The following QRFPR variants were observed in gnomAD, a reference collection of about 807,000 sequenced individuals.
The protein encoded by QRFPR is pyroglutamylated RF-amide peptide receptor.
In QRFPR, 37 loss-of-function variants were observed where a neutral mutation model predicts 31.3. That is an observed-to-expected ratio of 1.18 (90% confidence interval 0.91 to 1.56). The LOEUF (loss-of-function observed/expected upper bound fraction) is 1.56. Among genes scored for constraint, QRFPR ranks in the 40% most tolerant of loss-of-function variants. QRFPR has a pLI of 0.00. For synonymous variants in QRFPR, 197 were observed against 192.0 expected (o/e 1.03, Z -0.22); for missense variants, 542 against 532.5 (o/e 1.02, Z -0.18).
At chr4:121,366,856 G>A (rs1726142310) in intron 1 of QRFPR, among the ~76,000 whole-genome samples, 1 of 149,664 alleles carries the variant, frequency 6.7e-6, no homozygotes, top group Non-Finnish European at 1.5e-5. Context: ...TTAAGACTTT[G>A]GTATCCATTT....
intron 1 of QRFPR, among the ~76,000 whole-genome samples, chr4:121,360,013 T>C (rs1469696594): frequency 6.6e-6 from 1 of 152,180 alleles, no homozygotes; most frequent in East Asian, 1.9e-4. Context: ...CAAACATTTT[T>C]TGAGCAACAG....
chr4:121,368,663 CTG>C (rs767371991), intron 1 of QRFPR, among the ~76,000 whole-genome samples: 5 of 150,076 alleles, frequency 3.3e-5, no homozygotes, highest in Non-Finnish European at 5.9e-5. Flanking sequence ...GGTCCCCTTA[CTG>C]ATAAGGCTGG....
At chr4:121,341,573 A>G (rs1160284149) in intron 1 of QRFPR, among the ~76,000 whole-genome samples, 1 of 152,240 alleles carries the variant, frequency 6.6e-6, no homozygotes, top group Non-Finnish European at 1.5e-5. Context: ...TGCCACAAGT[A>G]GAAAATTCCG....
chr4:121,365,992 T>A (rs1726129061), intron 1 of QRFPR, among the ~76,000 whole-genome samples: 1 of 148,460 alleles, frequency 6.7e-6, no homozygotes, highest in Non-Finnish European at 1.5e-5. Context: ...TTCACAAAGA[T>A]CTATGAGGAA....
At chr4:121,363,396 C>T (rs1726027414) in intron 1 of QRFPR, among the ~76,000 whole-genome samples, 1 of 149,870 alleles carries the variant, frequency 6.7e-6, no homozygotes, top group African/African-American at 2.5e-5. Context: ...TCATGCTGGC[C>T]TAAAGCACTG....
At chr4:121,350,868 A>G (rs947790609) in intron 1 of QRFPR, among the ~76,000 whole-genome samples, 8 of 152,206 alleles carry the variant, frequency 5.3e-5, no homozygotes, top group African/African-American at 1.7e-4. Context: ...ATGAGGAGAC[A>G]TTCTTATGGA....
Position 121,380,307 on chromosome 4 carries a change from C to T in QRFPR, c.340+1G>A. Reference sequence around the variant, plus strand: ...GCGAAGGAGCGGGGCGCGACTCTTACCCCCCAGCCAGTTGTCGGAAATGTT... The same window carrying T: ...GCGAAGGAGCGGGGCGCGACTCTTATCCCCCAGCCAGTTGTCGGAAATGTT... On this transcript the variant is annotated splice_donor_variant, in intron 1 of 5. Coordinates refer to ENST00000394427, the MANE Select transcript of QRFPR (RefSeq NM_198179.3). LOFTEE classifies it high-confidence loss of function. 6.2e-7 allele frequency: 1 copy of T among 1,607,964 alleles called. No homozygotes were observed. Among genetic ancestry groups the T allele is most frequent in the African/African-American group, 1.3e-5 (1 of 74,736 alleles).
intron 1 of QRFPR, among the ~76,000 whole-genome samples, chr4:121,342,546 A>G (rs1319806304): frequency 6.6e-6 from 1 of 151,908 alleles, no homozygotes. Flanking sequence ...CTCATTCCTC[A>G]TTTCTTTTAT....
chr4:121,370,456 G>A (rs977970605), intron 1 of QRFPR: 25 of 529,676 alleles, frequency 4.7e-5, no homozygotes, highest in Non-Finnish European at 8.5e-5. Context: ...TGGTCCAGCT[G>A]CTGCAAATTA....
chr4:121,347,361 C>G (rs1381119807), intron 1 of QRFPR, among the ~76,000 whole-genome samples: 1 of 151,984 alleles, frequency 6.6e-6, no homozygotes, highest in African/African-American at 2.4e-5. Context: ...TTGCCTTATA[C>G]CGCTTTTCTT....
rs572587620 is a variant in QRFPR, at chr4:121,362,484, T to G, written c.340+17824A>C. ...GACATCAACAAACTGATTCTAAAGT[T>G]TATATGGAGAGGCAAAAGACCAGGA... On this transcript the variant is annotated intron_variant, in intron 1 of 5. Transcript: ENST00000394427. Among the ~76,000 whole-genome samples the G allele has an allele frequency of 8.5e-4, 127 of 149,834 alleles. 13 individuals are homozygous for G. The highest frequency in any genetic ancestry group is 2.9e-3 in the African/African-American group (119 of 40,518).
chr4:121,366,073 T>C (rs1311697566), intron 1 of QRFPR, among the ~76,000 whole-genome samples: 1 of 148,656 alleles, frequency 6.7e-6, no homozygotes, highest in African/African-American at 2.5e-5. Flanking sequence ...GTTCGAGGGG[T>C]GGAACTGCTG....
At chr4:121,330,645 G>A (rs962469636) in intron 4 of QRFPR, 122 bp from the exon 5 acceptor site, 26 of 683,170 alleles carry the variant, frequency 3.8e-5, no homozygotes, top group Admixed American at 9.3e-5. Flanking sequence ...TTAAGCTCAC[G>A]ATAGGTTATT....
intron 1 of QRFPR, among the ~76,000 whole-genome samples, chr4:121,356,708 T>C (rs1725877778): frequency 1.3e-5 from 2 of 152,146 alleles, no homozygotes; most frequent in African/African-American, 4.8e-5. Flanking sequence ...ATCCCTGAGC[T>C]ACCAGACAAA....
At chr4:121,368,963 T>C (rs946732987) in intron 1 of QRFPR, among the ~76,000 whole-genome samples, 4 of 151,646 alleles carry the variant, frequency 2.6e-5, no homozygotes, top group Admixed American at 6.6e-5. Flanking sequence ...GCAAGCTTTG[T>C]ATCAATATTT....
intron 3 of QRFPR, among the ~76,000 whole-genome samples, chr4:121,335,578 T>TGGGGGGGGGGG (rs773427893): frequency 4.7e-4 from 2 of 4,240 alleles, no homozygotes; most frequent in Admixed American, 4.1e-3. Context: ...GTATGGGGGG[T>TGGGGGGGGGGG]GGGGGGTGGG....
chr4:121,343,246 C>T (rs565748019), intron 1 of QRFPR, among the ~76,000 whole-genome samples: 17 of 152,316 alleles, frequency 1.1e-4, no homozygotes, highest in South Asian at 4.1e-4. Context: ...AACTTGAAAT[C>T]AACTTGAAAT....
intron 1 of QRFPR, among the ~76,000 whole-genome samples, chr4:121,372,487 C>T (rs1726267255): frequency 1.3e-5 from 2 of 152,316 alleles, no homozygotes; most frequent in South Asian, 4.2e-4. Context: ...GCATTAATCA[C>T]ATTCACAGTG....
Position 121,380,275 on chromosome 4 carries a change from A to AGAAGGAGC in QRFPR, c.340+25_340+32dup, listed in dbSNP as rs758943484. 4.0e-6 allele frequency: 6 copies of AGAAGGAGC among 1,518,362 alleles called. No homozygotes were observed. In the Admixed American group the frequency reaches 7.0e-5, roughly 18 times the overall value. The allele number at this position is 1,518,362 out of a possible 1,614,324, so 94.1% of individuals were successfully genotyped here. On this transcript the variant is annotated intron_variant, in intron 1 of 5. Transcript: ENST00000394427. ...CCCCTGAAAGGCAGAGGGTTAAGAG[A>AGAAGGAGC]GAAGGAGCGAAGGAGCGGGGCGCGA...
Sources: gnomAD v4.1 joint callset for allele counts (sites outside exome capture counted in the v4.1 genomes callset) on GRCh38, gnomAD v4.1.1 for gene constraint, MANE v1.5 for transcripts, NCBI Gene and HGNC (gene_info 2026-07-23, HGNC 2026-07-21) for gene names.